AK7: variants seen among roughly 807,000 people sequenced by gnomAD.
AK7 encodes ATP-AMP transphosphorylase 7.
In AK7, 78 loss-of-function variants were observed where a neutral mutation model predicts 96.6. That is an observed-to-expected ratio of 0.81 (90% CI 0.67 to 0.97). The LOEUF is 0.97. Among genes scored for constraint, AK7 ranks in the 50% least tolerant of loss-of-function variants. AK7 has a pLI of 0.00. For synonymous variants in AK7, 302 were observed against 317.2 expected, an observed-to-expected ratio of 0.95 and a Z score of 0.51; for missense variants, 855 against 887.9, an observed-to-expected ratio of 0.96 and a Z score of 0.47.
At chr14:96,437,962 T>C (rs770258785) in intron 6 of AK7, 47 bp downstream of exon 6, 12 of 1,542,680 alleles carry the variant, frequency 7.8e-6, no homozygotes, top group African/African-American at 2.7e-5. Flanking sequence ...TGTCTTACGA[T>C]ACAGATACGC....
At chr14:96,425,284 T>A (rs1891957649) in intron 5 of AK7, among the ~76,000 whole-genome samples, 1 of 152,198 alleles carries the variant, frequency 6.6e-6, no homozygotes, top group South Asian at 2.1e-4. Flanking sequence ...CTCCAGAGGC[T>A]GGTTGTCAAG....
chr14:96,486,904 C>T lies in AK7; in HGVS notation c.1981C>T (p.Arg661Ter), dbSNP rs762440219. ...KIARWEEWNKRLEEVKREERE... is the reference protein window; with the variant it reads ...KIARWEEWNK ...ACCAAATATTCTATTTTAGAATAAA[C>T]GACTGGAGGAAGTGAAAAGAGAAGA... Residue 661 changes from arginine (R) to a stop codon, truncating the protein, a stop_gained, in exon 17 of 18, where the codon CGA (arginine) becomes TGA (stop). Coordinates refer to ENST00000267584, the MANE Select transcript of AK7 (RefSeq NM_152327.5). LOFTEE classifies it high-confidence loss of function. 8.7e-6 allele frequency: 14 copies of T among 1,613,178 alleles called. No homozygotes were observed. Among genetic ancestry groups the T allele is most frequent in the East Asian group, 6.7e-5 (3 of 44,884 alleles).
intron 4 of AK7, among the ~76,000 whole-genome samples, chr14:96,417,298 A>G (rs1296903417): frequency 5.0e-5 from 2 of 39,944 alleles, no homozygotes; most frequent in African/African-American, 3.1e-4. Context: ...TACCCTGTGC[A>G]ATATGAAGAC....
chr14:96,394,074 G>C (rs949036009), intron 1 of AK7, among the ~76,000 whole-genome samples: 4 of 150,714 alleles, frequency 2.7e-5, no homozygotes, highest in Admixed American at 6.6e-5. Context: ...GCACCACTTC[G>C]CTCCAGCCTG....
At chr14:96,477,384 T>C (rs1895246819) in intron 14 of AK7, among the ~76,000 whole-genome samples, 1 of 152,218 alleles carries the variant, frequency 6.6e-6, no homozygotes, top group South Asian at 2.1e-4. Context: ...TATGATGTTA[T>C]AAGCCAATAC....
chr14:96,470,141 A>G (rs1595455830), intron 12 of AK7, among the ~76,000 whole-genome samples: 1 of 152,072 alleles, frequency 6.6e-6, no homozygotes, highest in East Asian at 1.9e-4. Flanking sequence ...TAATTAGATC[A>G]GTTTATTGTC....
intron 3 of AK7, 83 bp downstream of exon 3, chr14:96,404,948 A>G (rs1320847038): frequency 1.1e-5 from 10 of 936,594 alleles, no homozygotes; most frequent in Non-Finnish European, 1.6e-5. Flanking sequence ...GGAACACTAG[A>G]CAAAGTAGGG....
At chr14:96,431,382 C>T (rs540763609) in intron 5 of AK7, among the ~76,000 whole-genome samples, 1 of 152,246 alleles carries the variant, frequency 6.6e-6, no homozygotes, top group African/African-American at 2.4e-5. Flanking sequence ...TTTCTGCTTT[C>T]TCTTGTGGGT....
intron 17 of AK7, chr14:96,487,936 G>C (rs1285506540): frequency 3.0e-6 from 1 of 336,414 alleles, no homozygotes; most frequent in Admixed American, 3.8e-5. Flanking sequence ...TTTTGATATA[G>C]AGTTTCACTC....
intron 10 of AK7, among the ~76,000 whole-genome samples, chr14:96,454,376 C>T (rs1031523649): frequency 7.3e-5 from 11 of 151,434 alleles, no homozygotes; most frequent in African/African-American, 2.2e-4. Flanking sequence ...AATATTTACT[C>T]ATTGATTATG....
chr14:96,396,452 A>G (rs1002270954), intron 1 of AK7, among the ~76,000 whole-genome samples: 2 of 152,230 alleles, frequency 1.3e-5, no homozygotes, highest in Non-Finnish European at 1.5e-5. Flanking sequence ...GTGAAAGAGG[A>G]TAATAAAATT....
intron 12 of AK7, among the ~76,000 whole-genome samples, chr14:96,468,630 G>A (rs1436260225): frequency 2.0e-5 from 3 of 151,982 alleles, no homozygotes; most frequent in Non-Finnish European, 2.9e-5. Context: ...ACTGCTTGCT[G>A]TTTGGTCATC....
chr14:96,487,257 C>T (rs954451679), intron 17 of AK7, among the ~76,000 whole-genome samples: 6 of 149,070 alleles, frequency 4.0e-5, no homozygotes, highest in Middle Eastern at 3.5e-3. Context: ...TGGTGGCACG[C>T]GCTGTAGTCC....
chr14:96,485,192 T>C (rs1895704421), intron 16 of AK7, among the ~76,000 whole-genome samples: 3 of 152,274 alleles, frequency 2.0e-5, no homozygotes, highest in Admixed American at 2.0e-4. Context: ...ACTGTTCTCA[T>C]TGTTTTAATA....
Position 96,449,879 on chromosome 14 carries a change from G to C in AK7, c.948G>C (p.Thr316=). 5.7e-6 allele frequency: 9 copies of C among 1,587,880 alleles called. No homozygotes were observed. Among genetic ancestry groups the C allele is most frequent in the Non-Finnish European group, 7.7e-6 (9 of 1,167,842 alleles). ...ATGCATACCTAACCAAGGACTTAAC[G>C]GTTAGTATATGCGGTGTTTTTTTTT... The part of the protein sequence containing the change: ...RENAYLTKDL[T]QDCLDHLLVN... The change falls in exon 9 of 18, where the codon ACG becomes ACC. Residue 316 remains threonine, a splice_region_variant and synonymous_variant. Transcript: ENST00000267584.
At chr14:96,442,678 A>G (rs916503827) in intron 6 of AK7, 52 bp from the exon 7 acceptor site, 3 of 1,368,616 alleles carry the variant, frequency 2.2e-6, no homozygotes, top group Admixed American at 1.7e-5. Flanking sequence ...GTGAGCTGTA[A>G]TAGCCATCCA....
At chr14:96,476,590 C>G (rs1895196715) in intron 14 of AK7, among the ~76,000 whole-genome samples, 1 of 151,706 alleles carries the variant, frequency 6.6e-6, no homozygotes, top group African/African-American at 2.4e-5. Flanking sequence ...TACGGTCTTA[C>G]CAAGCAGAAA....
Position 96,488,396 on chromosome 14 carries a change from A to G in AK7, c.*53A>G, listed in dbSNP as rs369538019. ...TTTACAGAACCACAGATCACTTATT[A>G]TACTTTGAAAAATTGCTTTGAAAAA... On this transcript the variant is annotated 3_prime_UTR_variant, in exon 18 of 18. Coordinates refer to ENST00000267584, the MANE Select transcript of AK7 (RefSeq NM_152327.5). 1.7e-4 allele frequency: 254 copies of G among 1,504,082 alleles called. No individual in the cohort carries two copies. In the Middle Eastern group the frequency reaches 2.3e-3, roughly 14 times the overall value. 93.2% of individuals were successfully genotyped at this position (1,504,082 alleles called of 1,614,324 possible).
At position 96,471,606 on chromosome 14, in the gene AK7, C is replaced by T. The variant is rs867286931; in HGVS notation, c.1486C>T (p.Gln496Ter). The T allele has an allele frequency of 9.1e-6, 14 of 1,543,980 alleles. No homozygotes were observed. Among genetic ancestry groups the T allele is most frequent in the East Asian group, 2.4e-5 (1 of 42,194 alleles). Residue 496 changes from glutamine to a stop codon, truncating the protein, a stop_gained and splice_region_variant, in exon 13 of 18, where the codon CAG (glutamine) becomes TAG (stop). Transcript: ENST00000267584. LOFTEE classifies it high-confidence loss of function. ...TGATCAAGCAAAAGACCTGTTCAAT[C>T]GTAAGTTTGAGTGTTCTATTTTGAG... Reference protein sequence around the residue: ...TYDQAKDLFNQEDEEEEDDVR... With the variant: ...TYDQAKDLFN
Sources: allele counts gnomAD v4.1 joint callset (sites outside exome capture counted in the v4.1 genomes callset), GRCh38; gene constraint gnomAD v4.1.1; transcripts MANE v1.5; gene names NCBI Gene and HGNC (gene_info 2026-07-23, HGNC 2026-07-21).